BMERB1: variants seen among roughly 807,000 people sequenced by gnomAD.
The protein encoded by BMERB1 is bMERB domain containing 1.
A neutral mutation model predicts 23.6 loss-of-function variants in BMERB1; 12 were observed. The ratio of observed to expected loss-of-function variants is 0.51; its 90% CI spans 0.33 to 0.82. The LOEUF is 0.82. Among genes scored for constraint, BMERB1 ranks in the 40% least tolerant of loss-of-function variants. The pLI, the probability that BMERB1 is intolerant of heterozygous loss-of-function variation, is 0.03. For missense variants in BMERB1, 247 were observed against 255.4 expected (o/e 0.97, Z 0.22); for synonymous variants, 122 against 96.6 (o/e 1.26, Z -1.54).
At chr16:15,527,436 C>T (rs2051921132) in intron 2 of BMERB1, among the ~76,000 whole-genome samples, 1 of 152,226 alleles carries the variant, frequency 6.6e-6, no homozygotes, top group Non-Finnish European at 1.5e-5. Flanking sequence ...GAAACTCTGT[C>T]TCTACTAAAA....
At chr16:15,484,599 A>G (rs944929785) in intron 1 of BMERB1, among the ~76,000 whole-genome samples, 1 of 151,958 alleles carries the variant, frequency 6.6e-6, no homozygotes, top group Non-Finnish European at 1.5e-5. Context: ...ACAGGGTTTC[A>G]CCATATTGGC....
intron 2 of BMERB1, among the ~76,000 whole-genome samples, chr16:15,548,686 GT>G (rs1449288536): frequency 6.6e-6 from 1 of 152,194 alleles, no homozygotes; most frequent in Non-Finnish European, 1.5e-5. Flanking sequence ...CGTTTTCTTT[GT>G]GGTTTATCAA....
intron 2 of BMERB1, among the ~76,000 whole-genome samples, chr16:15,517,077 C>T (rs866194273): frequency 2.3e-4 from 35 of 152,214 alleles, no homozygotes; most frequent in African/African-American, 8.4e-4. Context: ...TGCATAATTC[C>T]TTTTCACAGA....
chr16:15,467,753 G>A (rs2051193292), intron 1 of BMERB1, among the ~76,000 whole-genome samples: 3 of 152,132 alleles, frequency 2.0e-5, no homozygotes, highest in Admixed American at 6.6e-5. Flanking sequence ...CAGCCCTCAG[G>A]AGATCCTGAG....
At chr16:15,585,032 C>G (rs905671868) in intron 5 of BMERB1, among the ~76,000 whole-genome samples, 1 of 152,172 alleles carries the variant, frequency 6.6e-6, no homozygotes, top group African/African-American at 2.4e-5. Flanking sequence ...AAGACAAAAA[C>G]CAAAAGCTGC....
intron 1 of BMERB1, among the ~76,000 whole-genome samples, chr16:15,495,018 G>C (rs1274398974): frequency 6.6e-6 from 1 of 150,434 alleles, no homozygotes; most frequent in Non-Finnish European, 1.5e-5. Context: ...AGAGTAGCTG[G>C]GATTACAGGC....
At chr16:15,442,843 T>A (rs2050951955) in intron 1 of BMERB1, among the ~76,000 whole-genome samples, 1 of 152,154 alleles carries the variant, frequency 6.6e-6, no homozygotes. Context: ...CCACTGTCTG[T>A]TATTCTTGGT....
chr16:15,459,043 G>A (rs1157563137), intron 1 of BMERB1, among the ~76,000 whole-genome samples: 1 of 152,098 alleles, frequency 6.6e-6, no homozygotes, highest in East Asian at 1.9e-4. Context: ...GGGAGGTGGA[G>A]GTTGCAGTGA....
intron 2 of BMERB1, among the ~76,000 whole-genome samples, chr16:15,552,803 T>C (rs1252952343): frequency 6.6e-6 from 1 of 152,218 alleles, no homozygotes; most frequent in African/African-American, 2.4e-5. Context: ...GATGAGTCAG[T>C]GAATTGGTGA....
At chr16:15,454,078 G>T (rs1267177774) in intron 1 of BMERB1, among the ~76,000 whole-genome samples, 1 of 151,982 alleles carries the variant, frequency 6.6e-6, no homozygotes, top group Admixed American at 6.6e-5. Context: ...CTCTAGGGGG[G>T]CACCTCCCTC....
chr16:15,554,510 T>G (rs1184615582), intron 2 of BMERB1, among the ~76,000 whole-genome samples: 1 of 151,976 alleles, frequency 6.6e-6, no homozygotes, highest in Non-Finnish European at 1.5e-5. Flanking sequence ...ATTTTTTAAA[T>G]AGACCAAGCT....
chr16:15,586,643 C>G (rs1369227809), intron 5 of BMERB1, 74 bp from the exon 6 acceptor site: 2 of 1,271,846 alleles, frequency 1.6e-6, no homozygotes, highest in African/African-American at 1.5e-5. Flanking sequence ...TGCAGATGGT[C>G]AGGGCTCTGC....
intron 5 of BMERB1, chr16:15,584,110 T>C (rs1242114579): frequency 2.9e-6 from 2 of 700,304 alleles, no homozygotes; most frequent in Non-Finnish European, 5.2e-6. Context: ...TGAGAAATGC[T>C]GTTTACTTGA....
At chr16:15,483,148 A>G (rs902315668) in intron 1 of BMERB1, among the ~76,000 whole-genome samples, 2 of 152,176 alleles carry the variant, frequency 1.3e-5, no homozygotes, top group African/African-American at 4.8e-5. Flanking sequence ...ATCATCACAT[A>G]TTCTTCAATA....
chr16:15,488,563 G>A (rs928538758), intron 1 of BMERB1, among the ~76,000 whole-genome samples: 7 of 152,030 alleles, frequency 4.6e-5, no homozygotes, highest in Admixed American at 3.9e-4. Context: ...GCTGGGCGCG[G>A]TGGCCCACAT....
At chr16:15,506,049 C>A (rs991197545) in intron 1 of BMERB1, among the ~76,000 whole-genome samples, 3 of 152,064 alleles carry the variant, frequency 2.0e-5, no homozygotes, top group Non-Finnish European at 2.9e-5. Flanking sequence ...TCAGATAGAT[C>A]TGGGTTTGAG....
chr16:15,541,131 G>T (rs184491432), intron 2 of BMERB1, among the ~76,000 whole-genome samples: 49 of 152,182 alleles, frequency 3.2e-4, no homozygotes, highest in Admixed American at 3.2e-3. Flanking sequence ...TTGCTGGAAT[G>T]ACTCACAGAG....
At chr16:15,444,127 T>TTTG (rs766297154) in intron 1 of BMERB1, among the ~76,000 whole-genome samples, 1 of 72,150 alleles carries the variant, frequency 1.4e-5, no homozygotes, top group Non-Finnish European at 3.1e-5. Context: ...AGCTTTGTTT[T>TTTG]TTTTTTTTTT....
chr16:15,563,281 C>T (rs147981964), intron 2 of BMERB1, among the ~76,000 whole-genome samples: 22 of 151,510 alleles, frequency 1.5e-4, no homozygotes, highest in African/African-American at 3.7e-4. Flanking sequence ...AGTGCAGTGG[C>T]GCAATCTTGG....
Sources: allele counts gnomAD v4.1 joint callset (sites outside exome capture counted in the v4.1 genomes callset), GRCh38; gene constraint gnomAD v4.1.1; transcripts MANE v1.5; gene names NCBI Gene and HGNC (gene_info 2026-07-23, HGNC 2026-07-21).